The following PHF2 variants were observed in gnomAD, a reference collection of about 807,000 sequenced individuals.
PHF2 encodes PHD finger protein 2.
A neutral mutation model predicts 120.5 loss-of-function variants in PHF2; 27 were observed. That is an observed-to-expected ratio of 0.22 (90% CI 0.17 to 0.31). The LOEUF (loss-of-function observed/expected upper bound fraction) is 0.31. Among genes scored for constraint, PHF2 ranks in the 10% least tolerant of loss-of-function variants. The probability of loss-of-function intolerance (pLI) is 1.00; values close to 1 mark genes in which losing one functional copy is unlikely to be tolerated. For missense variants in PHF2, 1,024 were observed against 1,434.8 expected (o/e 0.71, Z 4.63); for synonymous variants, 568 against 592.5 (o/e 0.96, Z 0.60).
chr9:93,621,979 T>C (rs897901301), intron 1 of PHF2, among the ~76,000 whole-genome samples: 6 of 152,302 alleles, frequency 3.9e-5, no homozygotes, highest in South Asian at 2.1e-4. Context: ...ATGTTGTTCA[T>C]TGGGGACGTG....
chr9:93,654,338 G>GT, intron 6 of PHF2, 75 bp from the exon 7 acceptor site: 1 of 1,462,170 alleles, frequency 6.8e-7, no homozygotes, highest in South Asian at 1.2e-5. Context: ...TACTTTTCAC[G>GT]TTAGGACCTG....
chr9:93,670,898 G>A (rs1371225666), intron 17 of PHF2: 12 of 698,266 alleles, frequency 1.7e-5, no homozygotes, highest in Non-Finnish European at 2.1e-5. Context: ...GGCAGCGGGG[G>A]TGCAGACAGG....
chr9:93,660,443 C>T lies in PHF2; in HGVS notation c.1581C>T (p.Gly527=). 1 of 1,429,568 alleles carries T rather than the reference C, an allele frequency of 7.0e-7. No individual in the cohort carries two copies. The highest frequency in any genetic ancestry group is 9.3e-7 in the Non-Finnish European group (1 of 1,079,136). 88.6% of individuals were successfully genotyped at this position (1,429,568 alleles called of 1,614,324 possible). ...PPKTLKLKDG[G]KKKGKKSRES... ...AAACGCTGAAGCTCAAAGATGGAGG[C>T]AAGAAGAAAGGGAAGAAGTCCCGGG... Residue 527 remains glycine (G), a synonymous_variant, in exon 12 of 22, where the codon GGC becomes GGT. Transcript: ENST00000359246.
intron 16 of PHF2, among the ~76,000 whole-genome samples, 159 bp downstream of exon 16, chr9:93,666,219 A>G (rs976646437): frequency 1.3e-5 from 2 of 152,138 alleles, no homozygotes; most frequent in African/African-American, 4.8e-5. Flanking sequence ...GAGTGTTCTA[A>G]GGTCACATCC....
At chr9:93,616,123 G>A (rs778107324) in intron 1 of PHF2, among the ~76,000 whole-genome samples, 4 of 152,172 alleles carry the variant, frequency 2.6e-5, no homozygotes, top group Non-Finnish European at 5.9e-5. Flanking sequence ...ACAACCCATT[G>A]TTTAATGGCT....
intron 3 of PHF2, 91 bp downstream of exon 3, chr9:93,636,616 T>C: frequency 1.1e-6 from 1 of 917,316 alleles, no homozygotes; most frequent in Non-Finnish European, 1.7e-6. Flanking sequence ...GCTGGGGGCT[T>C]CCTTTGCTAT....
intron 1 of PHF2, among the ~76,000 whole-genome samples, chr9:93,610,718 A>G (rs1223668539): frequency 6.6e-6 from 1 of 152,192 alleles, no homozygotes; most frequent in Non-Finnish European, 1.5e-5. Flanking sequence ...CTTATACACT[A>G]CCATCCAGAG....
intron 1 of PHF2, among the ~76,000 whole-genome samples, chr9:93,597,294 G>T (rs1381207183): frequency 1.3e-5 from 2 of 152,164 alleles, no homozygotes; most frequent in Admixed American, 6.5e-5. Flanking sequence ...GCTGCAGGAG[G>T]GTCAGGCATT....
At chr9:93,592,807 T>C (rs2274851) in intron 1 of PHF2, among the ~76,000 whole-genome samples, 21,614 of 152,018 alleles carry the variant, frequency 0.14, 3,396 homozygotes, top group African/African-American at 0.38. Context: ...CAAGCACCAG[T>C]ACGTGGCCTT....
chr9:93,671,491 T>C (rs376009986), intron 17 of PHF2, among the ~76,000 whole-genome samples: 768 of 76,800 alleles, frequency 0.01, no homozygotes, highest in Non-Finnish European at 0.014. Context: ...TGGGAGTAGG[T>C]ACAGGTGTAG....
Position 93,576,852 on chromosome 9 carries a change from A to G in PHF2, c.79A>G (p.Lys27Glu). Residue 27 changes from lysine (K) to glutamate (E), a missense_variant, in exon 1 of 22, where the codon AAG (lysine) becomes GAG (glutamate). Physicochemically the swap from Lys to Glu is moderately conservative, Grantham distance 56 (BLOSUM62 1). Coordinates refer to ENST00000359246, the MANE Select transcript of PHF2 (RefSeq NM_005392.4). The part of the protein sequence containing the change: ...TRFMIECDAC[K>E]DWFHGSCVGV... Reference sequence around the variant, plus strand: ...CTTCATGATCGAGTGCGACGCCTGCAAGGACTGGTTCCACGGCAGGTGAGC... The same window carrying G: ...CTTCATGATCGAGTGCGACGCCTGCGAGGACTGGTTCCACGGCAGGTGAGC... 7.8e-7 allele frequency: 1 copy of G among 1,277,102 alleles called. No homozygotes were observed. The highest frequency in any genetic ancestry group is 2.3e-5 in the Admixed American group (1 of 43,752). The allele number at this position is 1,277,102 out of a possible 1,614,324, so 79.1% of individuals were successfully genotyped here.
At position 93,665,768 on chromosome 9, in the gene PHF2, C is replaced by G. The variant is rs907283854; in HGVS notation, c.2020C>G (p.Arg674Gly). 6.2e-7 allele frequency: 1 copy of G among 1,611,696 alleles called. No homozygotes were observed. Among genetic ancestry groups the G allele is most frequent in the Non-Finnish European group, 8.5e-7 (1 of 1,178,872 alleles). The change falls in exon 15 of 22, where the codon CGG becomes GGG. Residue 674 changes from arginine to glycine, a missense_variant. Around this residue, in one of 2 missense-constraint regions of PHF2, gnomAD observed 677 missense variants for 857.4 expected, o/e 0.79. Transcript: ENST00000359246. ...CAAGGAGGACAAGCCCAAGCCCGTG[C>G]GGGATGAGTATGAGTACGTGTCGGA... ...NFKEDKPKPVRDEYEYVSDDG... is the reference protein window; with the variant it reads ...NFKEDKPKPVGDEYEYVSDDG...
rs1373716177 is a variant in PHF2, at chr9:93,576,715, G to A, written c.-59G>A. 3 of 832,390 alleles carry A rather than the reference G, an allele frequency of 3.6e-6. No homozygotes were observed. The highest frequency in any genetic ancestry group is 4.4e-6 in the Non-Finnish European group (3 of 681,126). 51.6% of individuals were successfully genotyped at this position (832,390 alleles called of 1,614,324 possible). ...CCCCGCGCGGCCCGGCCCCCGGCCCGGCCCGGACCGACCCGGGCAGCGCAG... is the reference window on the plus strand; with the variant it reads ...CCCCGCGCGGCCCGGCCCCCGGCCCAGCCCGGACCGACCCGGGCAGCGCAG... On this transcript the variant is annotated 5_prime_UTR_variant, in exon 1 of 22. Transcript: ENST00000359246.
chr9:93,580,531 T>G (rs1224337717), intron 1 of PHF2, among the ~76,000 whole-genome samples: 2 of 152,234 alleles, frequency 1.3e-5, no homozygotes, highest in African/African-American at 4.8e-5. Context: ...CATCTCACTT[T>G]GTCACCAACT....
chr9:93,675,451 C>T (rs1826891878), intron 19 of PHF2, among the ~76,000 whole-genome samples: 1 of 152,258 alleles, frequency 6.6e-6, no homozygotes, highest in Non-Finnish European at 1.5e-5. Flanking sequence ...TCTGATGTTG[C>T]TGGGCCTCCT....
chr9:93,652,339 G>C (rs1826383119), intron 5 of PHF2, among the ~76,000 whole-genome samples: 1 of 144,228 alleles, frequency 6.9e-6, no homozygotes, highest in African/African-American at 2.7e-5. Flanking sequence ...CTGTTGCCCA[G>C]GCTGGAGGGC....
intron 1 of PHF2, among the ~76,000 whole-genome samples, chr9:93,613,938 T>C (rs1174470698): frequency 6.6e-6 from 1 of 152,216 alleles, no homozygotes; most frequent in Non-Finnish European, 1.5e-5. Context: ...TCCTCCTGGC[T>C]GCCGGGTGGA....
intron 7 of PHF2, 51 bp from the exon 8 acceptor site, chr9:93,655,883 C>A: frequency 7.3e-7 from 1 of 1,368,060 alleles, no homozygotes; most frequent in Non-Finnish European, 1.0e-6. Flanking sequence ...CCATGAGAAG[C>A]CCGTTCATGG....
intron 16 of PHF2, 57 bp downstream of exon 16, chr9:93,666,117 A>G: frequency 6.4e-7 from 1 of 1,572,392 alleles, no homozygotes; most frequent in African/African-American, 1.3e-5. Flanking sequence ...GCAGTCCCCA[A>G]GGCCATGGTT....
Sources: gnomAD v4.1 joint callset for allele counts (sites outside exome capture counted in the v4.1 genomes callset) on GRCh38, gnomAD v4.1.1 for gene constraint, gnomAD v4.1.1 regional missense constraint, MANE v1.5 for transcripts, NCBI Gene and HGNC (gene_info 2026-07-23, HGNC 2026-07-21) for gene names.